Variants in PDGFD observed in about 807,000 individuals in gnomAD.
PDGFD encodes the protein platelet derived growth factor D.
PDGFD carries 30 observed loss-of-function variants against 44.7 expected under a neutral mutation model. The observed-to-expected ratio is 0.67, with a 90% CI of 0.50 to 0.91. The LOEUF is 0.91. Ranked by LOEUF, PDGFD falls within the 40% of genes least tolerant of loss-of-function variation. The pLI is 0.00. For synonymous variants in PDGFD, 173 were observed against 168.4 expected (o/e 1.03, Z -0.21); for missense variants, 445 against 457.8 (o/e 0.97, Z 0.25).
At chr11:104,142,881 C>T (rs1414246888) in intron 1 of PDGFD, among the ~76,000 whole-genome samples, 2 of 152,106 alleles carry the variant, frequency 1.3e-5, no homozygotes, top group African/African-American at 2.4e-5. Flanking sequence ...GTTTCAAAGC[C>T]GCCTGCATTC....
At chr11:103,917,084 T>TAA (rs199868838) in intron 6 of PDGFD, among the ~76,000 whole-genome samples, 2 of 149,896 alleles carry the variant, frequency 1.3e-5, no homozygotes, top group African/African-American at 2.4e-5. Flanking sequence ...CTTAAAGTAT[T>TAA]AAAAAAAAAA....
intron 5 of PDGFD, among the ~76,000 whole-genome samples, chr11:103,941,367 T>C (rs949046841): frequency 6.6e-6 from 1 of 152,018 alleles, no homozygotes; most frequent in Non-Finnish European, 1.5e-5. Flanking sequence ...TGAGGTGGTG[T>C]CTTAAGTGCT....
At chr11:103,979,233 T>TAAAAGC (rs1298503838) in intron 3 of PDGFD, among the ~76,000 whole-genome samples, 1 of 152,072 alleles carries the variant, frequency 6.6e-6, no homozygotes, top group African/African-American at 2.4e-5. Context: ...CTGTTGCTTT[T>TAAAAGC]AAAAGCAAAT....
intron 1 of PDGFD, among the ~76,000 whole-genome samples, chr11:104,115,582 T>C (rs1455859295): frequency 2.0e-5 from 3 of 151,970 alleles, no homozygotes; most frequent in East Asian, 3.9e-4. Context: ...CAAATGGTAG[T>C]TCTACTTTTA....
At position 104,000,151 on chromosome 11, in the gene PDGFD, G is replaced by A. The variant is rs761203980; in HGVS notation, c.229C>T (p.Leu77=). 1.2e-6 allele frequency: 2 copies of A among 1,614,004 alleles called. No homozygotes were observed. The highest frequency in any genetic ancestry group is 4.5e-5 in the East Asian group (2 of 44,858). ...PRFPNSYPRN[L]LLTWRLHSQE... is the part of the protein sequence containing the mutation. ...GAGTGAAGCCGCCATGTCAGGAGCA[G>A]GTTCCTGGGGTAGCTGTTCGGGAAT... The change falls in exon 2 of 7, where the codon CTG becomes TTG. Residue 77 remains leucine, a synonymous_variant. Transcript: ENST00000393158.
intron 1 of PDGFD, among the ~76,000 whole-genome samples, chr11:104,048,012 T>C (rs260815): frequency 0.63 from 95,181 of 151,894 alleles, 30,143 homozygotes; most frequent in Admixed American, 0.72. Context: ...AAAATACAAA[T>C]GAATAATCTA....
chr11:104,162,937 G>A (rs1862410756), intron 1 of PDGFD, among the ~76,000 whole-genome samples: 1 of 152,122 alleles, frequency 6.6e-6, no homozygotes, highest in Admixed American at 6.5e-5. Flanking sequence ...AAATTTGCTG[G>A]GAACATCAGC....
intron 1 of PDGFD, among the ~76,000 whole-genome samples, chr11:104,118,856 T>TA (rs1861688238): frequency 1.7e-5 from 1 of 59,582 alleles, no homozygotes; most frequent in Non-Finnish European, 3.0e-5. Context: ...TTATATATTA[T>TA]AATATATTAT....
chr11:103,940,796 C>T (rs1307800046), intron 5 of PDGFD, among the ~76,000 whole-genome samples: 5 of 152,024 alleles, frequency 3.3e-5, no homozygotes, highest in African/African-American at 1.2e-4. Flanking sequence ...TGCCTTAGGG[C>T]CATTTTAAAC....
At chr11:104,134,945 G>C (rs17102040) in intron 1 of PDGFD, among the ~76,000 whole-genome samples, 19,806 of 152,086 alleles carry the variant, frequency 0.13, 1,425 homozygotes, top group East Asian at 0.29. Flanking sequence ...CTTATCACAG[G>C]AAATCTGGCT....
intron 3 of PDGFD, among the ~76,000 whole-genome samples, chr11:103,956,219 C>A (rs866652327): frequency 1.3e-5 from 2 of 151,412 alleles, no homozygotes; most frequent in African/African-American, 2.4e-5. Flanking sequence ...CCTCTCCCCC[C>A]ACCCCACAAC....
At chr11:104,075,601 C>T (rs1218746169) in intron 1 of PDGFD, among the ~76,000 whole-genome samples, 2 of 142,106 alleles carry the variant, frequency 1.4e-5, no homozygotes, top group Admixed American at 7.1e-5. Flanking sequence ...TCAAGCAATC[C>T]TCCTACCTCA....
At chr11:103,999,854 T>C (rs992832931) in intron 2 of PDGFD, among the ~76,000 whole-genome samples, 197 bp downstream of exon 2, 1 of 152,188 alleles carries the variant, frequency 6.6e-6, no homozygotes, top group African/African-American at 2.4e-5. Context: ...CTGTGAGTAC[T>C]GCCAGGTTAT....
chr11:103,959,195 A>T (rs1858900104), intron 3 of PDGFD, among the ~76,000 whole-genome samples: 1 of 152,172 alleles, frequency 6.6e-6, no homozygotes, highest in South Asian at 2.1e-4. Context: ...TTCCCTCTAC[A>T]CATTCATCCT....
In PDGFD at chr11:104,104,618, A is replaced by G. The variant is rs549557055; in HGVS notation, c.124+59186T>C. Among the ~76,000 whole-genome samples the G allele has an allele frequency of 1.6e-4, 24 of 152,290 alleles. 1 individual carries two copies. The South Asian group carries it at 1.7e-3, about 11-fold the overall frequency. On this transcript the variant is annotated intron_variant, in intron 1 of 6. Transcript: ENST00000393158. ...TAGCCTAGGACCAAAGCTACAAACC[A>G]TCTATAGCTTAGGCATGTAGTAGGC...
chr11:104,032,339 C>G (rs1468683320), intron 1 of PDGFD, among the ~76,000 whole-genome samples: 1 of 152,102 alleles, frequency 6.6e-6, no homozygotes, highest in African/African-American at 2.4e-5. Flanking sequence ...CCTAAGGGTA[C>G]AGCTTTTAAA....
intron 3 of PDGFD, among the ~76,000 whole-genome samples, chr11:103,988,149 T>C (rs1215593912): frequency 6.6e-6 from 1 of 152,162 alleles, no homozygotes; most frequent in East Asian, 1.9e-4. Flanking sequence ...ATAGCTTGAA[T>C]AGCTTTTTCC....
At chr11:104,052,986 T>C (rs1249620743) in intron 1 of PDGFD, among the ~76,000 whole-genome samples, 1 of 152,214 alleles carries the variant, frequency 6.6e-6, no homozygotes, top group Admixed American at 6.5e-5. Flanking sequence ...TTCAGTAGAA[T>C]ATTGGTGGTA....
At position 104,037,193 on chromosome 11, in the gene PDGFD, G is replaced by C. The variant is rs138287051; in HGVS notation, c.125-36938C>G. On this transcript the variant is annotated intron_variant, in intron 1 of 6. Coordinates refer to ENST00000393158, the MANE Select transcript of PDGFD (RefSeq NM_025208.5). The stretch of plus-strand genomic sequence containing the variant: ...CAGCAGCGCACACCCGCTGCCCAGC[G>C]GTCACAGGGCTTGGCGTCAGGAGAG... 8 of 1,613,568 alleles carry C rather than the reference G, an allele frequency of 5.0e-6. No homozygotes were observed. In the African/African-American group the frequency reaches 8.0e-5, roughly 16 times the overall value.
Sources: allele counts gnomAD v4.1 joint callset (sites outside exome capture counted in the v4.1 genomes callset), GRCh38; gene constraint gnomAD v4.1.1; transcripts MANE v1.5; gene names NCBI Gene and HGNC (gene_info 2026-07-23, HGNC 2026-07-21).